DYDC1: variants seen among roughly 807,000 people sequenced by gnomAD.
DYDC1 encodes DPY30 domain-containing protein 1.
DYDC1 carries 21 observed loss-of-function variants against 27.9 expected under a neutral mutation model. That is an observed-to-expected ratio of 0.75 (90% confidence interval 0.53 to 1.08). DYDC1 has a LOEUF of 1.08. Among genes scored for constraint, DYDC1 ranks in the 50% least tolerant of loss-of-function variants. The probability of loss-of-function intolerance (pLI) is 0.00; values close to 1 mark genes in which losing one functional copy is unlikely to be tolerated. For missense variants in DYDC1, 202 were observed against 205.9 expected (o/e 0.98, Z 0.12); for synonymous variants, 67 against 65.8 (o/e 1.02, Z -0.09).
chr10:80,349,939 A>G (rs892609377), intron 3 of DYDC1, among the ~76,000 whole-genome samples: 2 of 152,244 alleles, frequency 1.3e-5, no homozygotes, highest in Non-Finnish European at 2.9e-5. Context: ...AGGAATTTCA[A>G]GTCAGTGGTA....
chr10:80,352,413 G>GT (rs768557501), intron 2 of DYDC1, 42 bp downstream of exon 2: 115 of 1,514,522 alleles, frequency 7.6e-5, no homozygotes, highest in Middle Eastern at 5.3e-4. Flanking sequence ...AGTTGGACCA[G>GT]TTTTTTTTCT....
intron 3 of DYDC1, among the ~76,000 whole-genome samples, chr10:80,345,855 A>G (rs1842588141): frequency 6.6e-6 from 1 of 152,122 alleles, no homozygotes. Context: ...TATACATGAG[A>G]AATACATCTT....
In DYDC1 at chr10:80,339,106, TA is replaced by T; in HGVS notation, c.389del (p.Leu130HisfsTer8). The T allele has an allele frequency of 7.2e-7, 1 of 1,393,392 alleles. No individual in the cohort carries two copies. Among genetic ancestry groups the T allele is most frequent in the Non-Finnish European group, 9.7e-7 (1 of 1,029,030 alleles). 86.3% of individuals were successfully genotyped at this position (1,393,392 alleles called of 1,614,324 possible). On this transcript the variant is annotated frameshift_variant, in exon 5 of 7. Coordinates refer to ENST00000372202, the MANE Select transcript of DYDC1 (RefSeq NM_001269053.2). LOFTEE classifies it high-confidence loss of function. ...GACTTTTTCTTCTCACCTCTGAATG[TA>T]GAATATCTTCATTCCTAACTAGATT... ...MENLVRNEDI[L>X]HSEEATLDSG...
At chr10:80,352,364 CAG>C in intron 2 of DYDC1, 89 bp downstream of exon 2, 1 of 1,360,070 alleles carries the variant, frequency 7.4e-7, no homozygotes. Context: ...ATTTTTATAA[CAG>C]AAAAATAATA....
chr10:80,343,564 G>A (rs958851609), intron 3 of DYDC1, among the ~76,000 whole-genome samples: 1 of 151,972 alleles, frequency 6.6e-6, no homozygotes, highest in African/African-American at 2.4e-5. Flanking sequence ...TTGAAGCCAG[G>A]AGTTCAAGAC....
chr10:80,340,848 G>A (rs1177168627), intron 4 of DYDC1, among the ~76,000 whole-genome samples: 1 of 152,150 alleles, frequency 6.6e-6, no homozygotes, highest in Non-Finnish European at 1.5e-5. Context: ...TAAAGAGAAA[G>A]GGGCTGCTTG....
At chr10:80,348,202 T>C (rs1842782602) in intron 3 of DYDC1, among the ~76,000 whole-genome samples, 1 of 152,250 alleles carries the variant, frequency 6.6e-6, no homozygotes, top group Non-Finnish European at 1.5e-5. Flanking sequence ...ACGTATATTA[T>C]TCTTTTTGAA....
Position 80,339,140 on chromosome 10 carries a change from T to G in DYDC1, c.356A>C (p.Asn119Thr). ...QEQLGKEMRM[N>T]MENLVRNEDI... ...TTCATTCCTAACTAGATTTTCCATA[T>G]TCATTCTCATCTCCTATAATATATA... Residue 119 changes from asparagine (N) to threonine (T), a missense_variant, in exon 5 of 7, where the codon AAT becomes ACT. Transcript: ENST00000372202. 7.6e-7 allele frequency: 1 copy of G among 1,318,602 alleles called. No homozygotes were observed. The highest frequency in any genetic ancestry group is 1.0e-6 in the Non-Finnish European group (1 of 970,986). 81.7% of individuals were successfully genotyped at this position (1,318,602 alleles called of 1,614,324 possible). A position where few individuals can be genotyped will look rare whatever the true frequency, so the allele number is the denominator to read the frequency against.
chr10:80,349,104 G>A (rs946613448), intron 3 of DYDC1, among the ~76,000 whole-genome samples: 3 of 152,136 alleles, frequency 2.0e-5, no homozygotes, highest in Non-Finnish European at 4.4e-5. Context: ...CGTTCGCCAG[G>A]ATGGTCTCGA....
At chr10:80,347,577 C>A (rs1842746621) in intron 3 of DYDC1, among the ~76,000 whole-genome samples, 1 of 152,104 alleles carries the variant, frequency 6.6e-6, no homozygotes, top group Non-Finnish European at 1.5e-5. Flanking sequence ...GGGAGTTTTA[C>A]AGTTTCAGGT....
Position 80,352,488 on chromosome 10 carries a change from G to A in DYDC1, c.114C>T (p.Tyr38=), listed in dbSNP as rs774632739. 1.2e-6 allele frequency: 2 copies of A among 1,610,262 alleles called. No individual in the cohort carries two copies. Among genetic ancestry groups the A allele is most frequent in the Non-Finnish European group, 1.7e-6 (2 of 1,178,628 alleles). Residue 38 remains tyrosine (Y), a synonymous_variant, in exon 2 of 7, where the codon TAC becomes TAT. Coordinates refer to ENST00000372202, the MANE Select transcript of DYDC1 (RefSeq NM_001269053.2). ...CCATGGTCACATTTTCCTTATACTT[G>A]TAAATCCACAATGCTAAATATTCTA... The part of the protein sequence containing the change: ...DPIEYLALWI[Y]KYKENVTMEQ...
intron 1 of DYDC1, among the ~76,000 whole-genome samples, chr10:80,355,599 G>C (rs1253185224): frequency 1.3e-5 from 2 of 152,108 alleles, no homozygotes; most frequent in Non-Finnish European, 2.9e-5. Context: ...TCAAATTGGG[G>C]ATTAATAAGA....
chr10:80,341,054 C>A (rs1194456631), intron 4 of DYDC1, among the ~76,000 whole-genome samples: 1 of 152,142 alleles, frequency 6.6e-6, no homozygotes, highest in Admixed American at 6.5e-5. Flanking sequence ...CATCAATAAA[C>A]ATAATGAACA....
rs569546461 is a variant in DYDC1, at chr10:80,356,454, C to T, written c.-10+258G>A. 163 of 985,354 alleles carry T rather than the reference C, an allele frequency of 1.7e-4. 2 individuals carry two copies. The African/African-American group carries it at 2.1e-3, about 13-fold the overall frequency. The allele number at this position is 985,354 out of a possible 1,614,324, so 61.0% of individuals were successfully genotyped here. On this transcript the variant is annotated intron_variant, in intron 1 of 6. Transcript: ENST00000372202. ...TTGTATCTGGCAACCTCCCGGGGCG[C>T]TCAGTGTGGTTTTCCCACCCGGGAG... is the stretch of plus-strand genomic sequence containing the variant.
chr10:80,342,190 C>T lies in DYDC1; in HGVS notation c.342+79G>A, dbSNP rs1371852480. ...TCAGACTACAAATCCCATGGTCCTT[C>T]TGCTAACAGCTGAAATAAACAGTTT... On this transcript the variant is annotated intron_variant, in intron 4 of 6. Transcript: ENST00000372202. 2.8e-6 allele frequency: 4 copies of T among 1,406,096 alleles called. No individual in the cohort carries two copies. The East Asian group carries it at 9.2e-5, about 32-fold the overall frequency. The allele number at this position is 1,406,096 out of a possible 1,614,324, so 87.1% of individuals were successfully genotyped here.
At chr10:80,342,916 G>T (rs563620249) in intron 3 of DYDC1, among the ~76,000 whole-genome samples, 53 of 149,196 alleles carry the variant, frequency 3.6e-4, no homozygotes, top group African/African-American at 1.3e-3. Context: ...GGGAGGTGGA[G>T]GTTGCAGTGA....
chr10:80,341,753 G>A (rs922117242), intron 4 of DYDC1, among the ~76,000 whole-genome samples: 1 of 152,074 alleles, frequency 6.6e-6, no homozygotes, highest in African/African-American at 2.4e-5. Flanking sequence ...GGCCAGGGGC[G>A]CTGGCTCATG....
chr10:80,338,864 G>A (rs948286109), intron 5 of DYDC1, among the ~76,000 whole-genome samples: 1 of 152,082 alleles, frequency 6.6e-6, no homozygotes, highest in Non-Finnish European at 1.5e-5. Flanking sequence ...TATCTCAAGA[G>A]AGCCTAGTTT....
At chr10:80,340,586 A>G (rs1842287972) in intron 4 of DYDC1, among the ~76,000 whole-genome samples, 1 of 152,224 alleles carries the variant, frequency 6.6e-6, no homozygotes, top group African/African-American at 2.4e-5. Flanking sequence ...CTATCAGGTC[A>G]CTTTGATTAA....
Sources: allele counts gnomAD v4.1 joint callset (sites outside exome capture counted in the v4.1 genomes callset), GRCh38; gene constraint gnomAD v4.1.1; transcripts MANE v1.5; gene names NCBI Gene and HGNC (gene_info 2026-07-23, HGNC 2026-07-21).